Variants in DAAM1 observed in about 807,000 individuals in gnomAD.
DAAM1 encodes the protein dishevelled associated activator of morphogenesis 1.
In DAAM1, 52 loss-of-function variants were observed where a neutral mutation model predicts 130.0. The observed-to-expected ratio is 0.40, with a 90% CI of 0.32 to 0.50. The LOEUF is 0.50. DAAM1 is among the 20% of genes least tolerant of loss of function. The pLI is 0.61. For missense variants in DAAM1, 1,134 were observed against 1,303.8 expected (o/e 0.87, Z 2.01); for synonymous variants, 452 against 444.5 (o/e 1.02, Z -0.21).
intron 1 of DAAM1, among the ~76,000 whole-genome samples, chr14:59,251,893 T>C (rs1043807189): frequency 2.6e-5 from 4 of 152,214 alleles, no homozygotes; most frequent in African/African-American, 9.7e-5. Context: ...TTCTCCTTGC[T>C]GCATCATCAG....
chr14:59,326,880 G>A, intron 11 of DAAM1, 53 bp from the exon 12 acceptor site: 3 of 1,605,396 alleles, frequency 1.9e-6, no homozygotes, highest in Non-Finnish European at 1.7e-6. Context: ...AATGCAGTTA[G>A]CAGTGGACCT....
intron 1 of DAAM1, among the ~76,000 whole-genome samples, chr14:59,197,288 A>G (rs1470478335): frequency 1.3e-5 from 2 of 152,230 alleles, no homozygotes; most frequent in African/African-American, 4.8e-5. Flanking sequence ...GATGGTGGAA[A>G]AGAAACAACA....
chr14:59,347,504 C>T (rs377458570), intron 16 of DAAM1, 35 bp from the exon 17 acceptor site: 2 of 1,589,746 alleles, frequency 1.3e-6, no homozygotes, highest in Non-Finnish European at 1.7e-6. Context: ...AATACTCAAA[C>T]CAATATGGTT....
chr14:59,191,758 G>A (rs1450825716), intron 1 of DAAM1, among the ~76,000 whole-genome samples: 1 of 152,050 alleles, frequency 6.6e-6, no homozygotes, highest in African/African-American at 2.4e-5. Context: ...CTTCCCAGGA[G>A]GTGTGTGACA....
intron 1 of DAAM1, among the ~76,000 whole-genome samples, chr14:59,259,840 C>T (rs911893941): frequency 2.6e-4 from 40 of 152,122 alleles, no homozygotes; most frequent in Non-Finnish European, 4.7e-4. Flanking sequence ...GTCAGGAGAT[C>T]GAGACCATCT....
chr14:59,227,878 T>A (rs1341293208), intron 1 of DAAM1, among the ~76,000 whole-genome samples: 6 of 152,196 alleles, frequency 3.9e-5, no homozygotes, highest in Non-Finnish European at 8.8e-5. Flanking sequence ...ACAGGCAGGC[T>A]ATCCCAGTGA....
At chr14:59,203,799 G>T (rs950829120) in intron 1 of DAAM1, among the ~76,000 whole-genome samples, 1 of 152,208 alleles carries the variant, frequency 6.6e-6, no homozygotes. Flanking sequence ...CGTGCTTTCA[G>T]TGTGTTCATT....
chr14:59,250,422 TACTG>T (rs1881582403), intron 1 of DAAM1, among the ~76,000 whole-genome samples: 1 of 152,186 alleles, frequency 6.6e-6, no homozygotes, highest in South Asian at 2.1e-4. Flanking sequence ...ATGAGTAAAA[TACTG>T]ACAGTGAAAC....
In DAAM1 at chr14:59,226,356, G is replaced by T. The variant is rs1888943683; in HGVS notation, c.-37-37085G>T. Reference sequence around the variant, plus strand: ...AGAATTATTTTGGTTGCAAGCAAGAGAAACTAAATTTAAGACAAACACACA... The same window carrying T: ...AGAATTATTTTGGTTGCAAGCAAGATAAACTAAATTTAAGACAAACACACA... On this transcript the variant is annotated intron_variant, in intron 1 of 24. Coordinates refer to ENST00000360909, the MANE Select transcript of DAAM1 (RefSeq NM_001270520.2). Among the ~76,000 whole-genome samples the T allele has an allele frequency of 2.0e-5, 3 of 152,084 alleles. No individual in the cohort carries two copies. In the South Asian group the frequency reaches 6.2e-4, roughly 32 times the overall value.
chr14:59,322,681 A>G lies in DAAM1; in HGVS notation c.441-211A>G, dbSNP rs1040974861. Among the ~76,000 whole-genome samples the G allele has an allele frequency of 2.0e-5, 3 of 152,142 alleles. No individual in the cohort carries two copies. The East Asian group carries it at 5.8e-4, about 29-fold the overall frequency. On this transcript the variant is annotated intron_variant, in intron 5 of 24. Coordinates refer to ENST00000360909, the MANE Select transcript of DAAM1 (RefSeq NM_001270520.2). ...TACCCATTGAGATATGTTTATCACA[A>G]ATGGAGGGGTTTTTTTTCACACTTT...
rs544122741 is a variant in DAAM1, at chr14:59,194,397, C to T, written c.-38+5629C>T. 3.8e-4 allele frequency among the ~76,000 whole-genome samples: 58 copies of T among 152,260 alleles called. 2 individuals are homozygous for T. In the South Asian group the frequency reaches 0.01, roughly 27 times the overall value. ...TTGGAGCTCTCCTTTGCTGTATGAA[C>T]GATAGACAAATTATTTGAAAAAGGA... On this transcript the variant is annotated intron_variant, in intron 1 of 24. Transcript: ENST00000360909.
intron 1 of DAAM1, among the ~76,000 whole-genome samples, chr14:59,232,953 C>G (rs1406229379): frequency 6.6e-6 from 1 of 152,120 alleles, no homozygotes; most frequent in African/African-American, 2.4e-5. Context: ...TCATCCATGT[C>G]CCTGCAAAGG....
chr14:59,300,843 T>A (rs939813049), intron 3 of DAAM1, among the ~76,000 whole-genome samples: 1 of 152,198 alleles, frequency 6.6e-6, no homozygotes, highest in African/African-American at 2.4e-5. Context: ...TTTATGAACA[T>A]GCCACAGTTT....
At chr14:59,239,671 A>G (rs974684928) in intron 1 of DAAM1, among the ~76,000 whole-genome samples, 2 of 151,860 alleles carry the variant, frequency 1.3e-5, no homozygotes, top group African/African-American at 4.8e-5. Flanking sequence ...CTTCCCTACC[A>G]CACAGTCTGT....
chr14:59,199,843 G>A (rs1229065148), intron 1 of DAAM1, among the ~76,000 whole-genome samples: 3 of 152,146 alleles, frequency 2.0e-5, no homozygotes, highest in Admixed American at 6.5e-5. Context: ...CCCACTAGAT[G>A]CCAGTAACAT....
chr14:59,189,049 A>G (rs1182544558), intron 1 of DAAM1, among the ~76,000 whole-genome samples: 1 of 152,196 alleles, frequency 6.6e-6, no homozygotes. Flanking sequence ...AGACGCCCCC[A>G]AGGACTGGGG....
chr14:59,308,649 T>C (rs1009361582), intron 3 of DAAM1, among the ~76,000 whole-genome samples: 2 of 152,198 alleles, frequency 1.3e-5, no homozygotes, highest in Non-Finnish European at 2.9e-5. Flanking sequence ...CCAGGTTGTC[T>C]CTAGGGTCAA....
intron 3 of DAAM1, among the ~76,000 whole-genome samples, chr14:59,300,480 C>G (rs962927206): frequency 6.6e-6 from 1 of 152,158 alleles, no homozygotes; most frequent in Non-Finnish European, 1.5e-5. Flanking sequence ...CTCAAAATTT[C>G]TAAAAGAAAA....
chr14:59,292,887 C>A (rs1319675932), intron 3 of DAAM1, among the ~76,000 whole-genome samples: 1 of 152,046 alleles, frequency 6.6e-6, no homozygotes, highest in Non-Finnish European at 1.5e-5. Flanking sequence ...TACATTGAAC[C>A]AACTAGAAAA....
Sources: gnomAD v4.1 joint callset for allele counts (sites outside exome capture counted in the v4.1 genomes callset) on GRCh38, gnomAD v4.1.1 for gene constraint, MANE v1.5 for transcripts, NCBI Gene and HGNC (gene_info 2026-07-23, HGNC 2026-07-21) for gene names.